Variants in RCAN2 observed in about 807,000 individuals in gnomAD.
RCAN2 encodes regulator of calcineurin 2.
A neutral mutation model predicts 23.6 loss-of-function variants in RCAN2; 9 were observed. The ratio of observed to expected loss-of-function variants is 0.38; its 90% CI spans 0.23 to 0.67. The LOEUF is 0.67. Ranked by LOEUF, RCAN2 falls within the 30% of genes least tolerant of loss-of-function variation. The probability of loss-of-function intolerance (pLI) is 0.51; values close to 1 mark genes in which losing one functional copy is unlikely to be tolerated. For synonymous variants in RCAN2, 109 were observed against 115.7 expected (o/e 0.94, Z 0.37); for missense variants, 273 against 302.3 (o/e 0.90, Z 0.72).
intron 2 of RCAN2, among the ~76,000 whole-genome samples, chr6:46,389,438 A>T (rs1765864444): frequency 6.6e-6 from 1 of 152,122 alleles, no homozygotes; most frequent in Admixed American, 6.6e-5. Context: ...CAGAACTTCA[A>T]GGCACTCTCA....
intron 2 of RCAN2, among the ~76,000 whole-genome samples, chr6:46,344,692 T>C (rs1176366341): frequency 6.6e-6 from 1 of 151,586 alleles, no homozygotes; most frequent in Non-Finnish European, 1.5e-5. Flanking sequence ...AGAGCAACCA[T>C]TAAAAAATAA....
At position 46,238,275 on chromosome 6, in the gene RCAN2, C is replaced by T. The variant is rs114535785; in HGVS notation, c.571+8473G>A. Among the ~76,000 whole-genome samples, 984 of 152,224 alleles carry T rather than the reference C, an allele frequency of 6.5e-3. 11 individuals carry two copies. The highest frequency in any genetic ancestry group is 0.022 in the African/African-American group (921 of 41,518). ...CCACTCTTCTTTCTGCACACATCGC[C>T]GACCCCTTACTAGGCGTTCTCTGCC... is the stretch of plus-strand genomic sequence containing the variant. On this transcript the variant is annotated intron_variant, in intron 4 of 4. Transcript: ENST00000371374.
chr6:46,433,426 C>T (rs540711935), intron 2 of RCAN2, among the ~76,000 whole-genome samples: 4 of 152,188 alleles, frequency 2.6e-5, no homozygotes, highest in East Asian at 1.9e-4. Flanking sequence ...ACTGCAGATG[C>T]GATTACATTA....
At chr6:46,348,779 A>G (rs992106599) in intron 2 of RCAN2, among the ~76,000 whole-genome samples, 11 of 152,210 alleles carry the variant, frequency 7.2e-5, no homozygotes, top group African/African-American at 2.7e-4. Flanking sequence ...ACAATCAGCA[A>G]CGTCTGCCAG....
chr6:46,310,115 G>A (rs942234219), intron 2 of RCAN2, among the ~76,000 whole-genome samples: 9 of 151,962 alleles, frequency 5.9e-5, no homozygotes, highest in Non-Finnish European at 1.5e-5. Flanking sequence ...ATTCATACCC[G>A]GTTCTTAAAC....
chr6:46,240,806 A>T (rs577785490), intron 4 of RCAN2, among the ~76,000 whole-genome samples: 1 of 152,268 alleles, frequency 6.6e-6, no homozygotes, highest in South Asian at 2.1e-4. Flanking sequence ...CCCATTGGGG[A>T]AAACACCATA....
At chr6:46,470,055 C>A (rs74763934) in intron 1 of RCAN2, among the ~76,000 whole-genome samples, 1 of 152,150 alleles carries the variant, frequency 6.6e-6, no homozygotes, top group African/African-American at 2.4e-5. Context: ...AAATTAATTT[C>A]TCTTCTTTTT....
In RCAN2 at chr6:46,384,400, A is replaced by C. The variant is rs143163775; in HGVS notation, c.225+72352T>G. On this transcript the variant is annotated intron_variant, in intron 2 of 4. Transcript: ENST00000371374. ...GATTATCAGTAGAACACTAGCAAAC[A>C]TGGAATATCTTTCCGGACAAAAAGT... Among the ~76,000 whole-genome samples the C allele has an allele frequency of 5.3e-5, 8 of 152,374 alleles. No individual in the cohort carries two copies. The East Asian group carries it at 1.5e-3, about 29-fold the overall frequency.
intron 2 of RCAN2, among the ~76,000 whole-genome samples, chr6:46,321,490 T>G (rs1048663837): frequency 2.6e-5 from 4 of 152,272 alleles, no homozygotes; most frequent in African/African-American, 9.6e-5. Context: ...GTTTCCTGCC[T>G]GCTCTAATGA....
chr6:46,371,138 G>C (rs1258008473), intron 2 of RCAN2, among the ~76,000 whole-genome samples: 2 of 152,164 alleles, frequency 1.3e-5, no homozygotes, highest in Non-Finnish European at 2.9e-5. Flanking sequence ...TAAAGGCTAG[G>C]GATTAATTAT....
chr6:46,388,853 C>T (rs1431961216), intron 2 of RCAN2, among the ~76,000 whole-genome samples: 2 of 152,060 alleles, frequency 1.3e-5, no homozygotes, highest in Non-Finnish European at 2.9e-5. Context: ...GCATGTGGGG[C>T]TTAAAACCTA....
Position 46,451,471 on chromosome 6 carries a change from C to G in RCAN2, c.225+5281G>C, listed in dbSNP as rs541802216. Among the ~76,000 whole-genome samples, 12 of 152,250 alleles carry G rather than the reference C, an allele frequency of 7.9e-5. No individual in the cohort carries two copies. In the East Asian group the frequency reaches 2.1e-3, roughly 27 times the overall value. On this transcript the variant is annotated intron_variant, in intron 2 of 4. Coordinates refer to ENST00000371374, the MANE Select transcript of RCAN2 (RefSeq NM_001251974.2). ...TCTCACAATGGATTGTGAAAAAAGT[C>G]TCAGTTTTCAGATGTTCAGATTTTA...
intron 2 of RCAN2, among the ~76,000 whole-genome samples, chr6:46,282,407 G>A (rs1448266128): frequency 6.6e-6 from 1 of 151,610 alleles, no homozygotes; most frequent in Non-Finnish European, 1.5e-5. Flanking sequence ...AAAATTAGCC[G>A]GCTGTGGTGG....
At chr6:46,238,184 G>C (rs966769228) in intron 4 of RCAN2, among the ~76,000 whole-genome samples, 19 of 152,142 alleles carry the variant, frequency 1.2e-4, no homozygotes, top group African/African-American at 3.6e-4. Flanking sequence ...GTGTGTGTCT[G>C]GGAAGGCATA....
intron 2 of RCAN2, 98 bp downstream of exon 2, chr6:46,456,653 TC>T (rs1447013958): frequency 3.4e-6 from 3 of 883,534 alleles, no homozygotes; most frequent in African/African-American, 1.7e-5. Context: ...ACTAAACATT[TC>T]CAAAAACTTC....
chr6:46,406,015 A>T lies in RCAN2; in HGVS notation c.225+50737T>A, dbSNP rs371553285. Among the ~76,000 whole-genome samples, 11 of 152,320 alleles carry T rather than the reference A, an allele frequency of 7.2e-5. No homozygotes were observed. In the East Asian group the frequency reaches 1.5e-3, roughly 21 times the overall value. ...TCCGCAGCCACTGGCCCGGGTGCTA[A>T]GTCCCTCACTGCCCGGGGCAGCAGG... On this transcript the variant is annotated intron_variant, in intron 2 of 4. Coordinates refer to ENST00000371374, the MANE Select transcript of RCAN2 (RefSeq NM_001251974.2).
intron 2 of RCAN2, among the ~76,000 whole-genome samples, chr6:46,387,875 T>A (rs1396610598): frequency 6.6e-6 from 1 of 152,140 alleles, no homozygotes; most frequent in East Asian, 1.9e-4. Context: ...AATGATAGAC[T>A]GGATTAAGAA....
intron 2 of RCAN2, among the ~76,000 whole-genome samples, chr6:46,257,023 T>C (rs1766941981): frequency 6.6e-6 from 1 of 152,206 alleles, no homozygotes; most frequent in South Asian, 2.1e-4. Context: ...AGCATCCTCA[T>C]TAAAAAGATA....
intron 2 of RCAN2, among the ~76,000 whole-genome samples, chr6:46,451,249 A>G (rs1220798137): frequency 6.6e-6 from 1 of 152,062 alleles, no homozygotes; most frequent in Non-Finnish European, 1.5e-5. Context: ...GAGGAGTGAT[A>G]TGTTTGGCAT....
Sources: allele counts gnomAD v4.1 joint callset (sites outside exome capture counted in the v4.1 genomes callset), GRCh38; gene constraint gnomAD v4.1.1; transcripts MANE v1.5; gene names NCBI Gene and HGNC (gene_info 2026-07-23, HGNC 2026-07-21).